The following SLC9C2 variants were observed in gnomAD, a reference collection of about 807,000 sequenced individuals.
The protein encoded by SLC9C2 is solute carrier family 9 member C2 (putative).
SLC9C2 carries 75 observed loss-of-function variants against 140.2 expected under a neutral mutation model. That is an observed-to-expected ratio of 0.53 (90% CI 0.44 to 0.65). The LOEUF is 0.65. SLC9C2 is among the 30% of genes least tolerant of loss of function. The pLI is 0.00. For synonymous variants in SLC9C2, 375 were observed against 420.9 expected (o/e 0.89, Z 1.34); for missense variants, 1,074 against 1,331.8 (o/e 0.81, Z 3.01).
At chr1:173,533,542 T>G in intron 17 of SLC9C2, 67 bp downstream of exon 17, 2 of 1,248,466 alleles carry the variant, frequency 1.6e-6, no homozygotes. Context: ...CCTCCCAAAG[T>G]GCTGGGATTA....
At chr1:173,599,254 T>A (rs1666625317) in intron 3 of SLC9C2, among the ~76,000 whole-genome samples, 1 of 150,050 alleles carries the variant, frequency 6.7e-6, no homozygotes, top group African/African-American at 2.5e-5. Context: ...AGCAGGCCTT[T>A]TATAAGGCAA....
intron 4 of SLC9C2, among the ~76,000 whole-genome samples, chr1:173,594,731 TAG>T (rs1284325215): frequency 2.0e-5 from 3 of 152,190 alleles, no homozygotes; most frequent in South Asian, 2.1e-4. Flanking sequence ...TGGAGGAAAG[TAG>T]AGATATTTAG....
chr1:173,509,280 C>T (rs1374482865), intron 24 of SLC9C2, among the ~76,000 whole-genome samples: 1 of 151,766 alleles, frequency 6.6e-6, no homozygotes, highest in Non-Finnish European at 1.5e-5. Flanking sequence ...CCTGTCTCTA[C>T]TAATAATAAA....
intron 9 of SLC9C2, among the ~76,000 whole-genome samples, chr1:173,565,096 T>A (rs10912645): frequency 2.0e-5 from 3 of 151,176 alleles, no homozygotes; most frequent in Non-Finnish European, 2.9e-5. Context: ...GCCTCCCAAG[T>A]AGCTGGGATT....
intron 4 of SLC9C2, among the ~76,000 whole-genome samples, chr1:173,591,156 T>G (rs916435117): frequency 2.0e-5 from 3 of 152,180 alleles, no homozygotes; most frequent in African/African-American, 2.4e-5. Flanking sequence ...CTGCCTTAGT[T>G]TGGTAAGGAT....
intron 11 of SLC9C2, among the ~76,000 whole-genome samples, chr1:173,549,985 C>G (rs768856629): frequency 5.9e-5 from 9 of 152,116 alleles, no homozygotes; most frequent in Non-Finnish European, 8.8e-5. Context: ...GGTCAGGATC[C>G]CTGGCAGCCA....
intron 18 of SLC9C2, among the ~76,000 whole-genome samples, chr1:173,527,987 A>G (rs1013649920): frequency 6.6e-6 from 1 of 152,178 alleles, no homozygotes; most frequent in Non-Finnish European, 1.5e-5. Flanking sequence ...TGGCACCAAC[A>G]TATCCTAGCC....
chr1:173,580,958 A>T (rs539348410), intron 7 of SLC9C2, among the ~76,000 whole-genome samples: 1 of 152,354 alleles, frequency 6.6e-6, no homozygotes, highest in Middle Eastern at 3.4e-3. Context: ...CATTTAAGGC[A>T]TCTATAAAAA....
At chr1:173,527,645 G>T (rs1336949213) in intron 18 of SLC9C2, among the ~76,000 whole-genome samples, 1 of 152,128 alleles carries the variant, frequency 6.6e-6, no homozygotes, top group Non-Finnish European at 1.5e-5. Flanking sequence ...AGTCACTGGG[G>T]AGTTTGCACT....
chr1:173,579,758 T>C (rs1251217099), intron 7 of SLC9C2, among the ~76,000 whole-genome samples: 3 of 152,250 alleles, frequency 2.0e-5, no homozygotes, highest in Non-Finnish European at 4.4e-5. Flanking sequence ...GCTTTTTGGC[T>C]ATATACCTGA....
rs1558054186 is a variant in SLC9C2, at chr1:173,547,792, G to GT, written c.1462-9dup. On this transcript the variant is annotated splice_polypyrimidine_tract_variant and intron_variant, in intron 12 of 27. Transcript: ENST00000367714. Reference sequence around the variant, plus strand: ...ATGTGAAACGTGGGAAAACTGAACCGTATCAGATGACATTTTAAAACATAA... The same window carrying GT: ...ATGTGAAACGTGGGAAAACTGAACCGTTATCAGATGACATTTTAAAACATAA... 2 of 1,589,470 alleles carry GT rather than the reference G, an allele frequency of 1.3e-6. No individual in the cohort carries two copies. The highest frequency in any genetic ancestry group is 3.4e-5 in the Admixed American group (2 of 58,730).
intron 9 of SLC9C2, among the ~76,000 whole-genome samples, chr1:173,562,191 G>T (rs1251617845): frequency 6.6e-6 from 1 of 152,186 alleles, no homozygotes; most frequent in South Asian, 2.1e-4. Context: ...CTCCCTAGAA[G>T]TGTTGACTGC....
chr1:173,580,837 C>G (rs1665486438), intron 7 of SLC9C2, among the ~76,000 whole-genome samples: 1 of 152,192 alleles, frequency 6.6e-6, no homozygotes, highest in Admixed American at 6.5e-5. Context: ...AGGCATATGG[C>G]AAGCTCCAAA....
chr1:173,597,537 C>T (rs1181121669), intron 4 of SLC9C2, among the ~76,000 whole-genome samples: 3 of 152,060 alleles, frequency 2.0e-5, no homozygotes, highest in African/African-American at 7.2e-5. Context: ...ACAATCTTTG[C>T]AGGGAAAATG....
In SLC9C2 at chr1:173,583,590, C is replaced by T. The variant is rs1417899039; in HGVS notation, c.556G>A (p.Gly186Arg). The change falls in exon 6 of 28, where the codon GGA becomes AGA. Residue 186 changes from glycine (G) to arginine (R), a missense_variant. Transcript: ENST00000367714. ...ATGCTACAAATGATCAATGATTCTCCTCTAATGAGATCAATGTATATTTTA... is the reference window on the plus strand; with the variant it reads ...ATGCTACAAATGATCAATGATTCTCTTCTAATGAGATCAATGTATATTTTA... ...ISKIYIDLIRGESLIICSIAS... is the reference protein window; with the variant it reads ...ISKIYIDLIRRESLIICSIAS... The T allele has an allele frequency of 5.6e-6, 9 of 1,599,636 alleles. No homozygotes were observed. Among genetic ancestry groups the T allele is most frequent in the Non-Finnish European group, 6.8e-6 (8 of 1,172,826 alleles).
intron 4 of SLC9C2, among the ~76,000 whole-genome samples, chr1:173,597,494 A>G (rs1287066465): frequency 7.2e-6 from 1 of 139,648 alleles, no homozygotes; most frequent in Non-Finnish European, 1.5e-5. Flanking sequence ...TACAACAGGC[A>G]TGATTAAGAA....
intron 26 of SLC9C2, 24 bp downstream of exon 26, chr1:173,505,223 T>C: frequency 6.3e-7 from 1 of 1,578,634 alleles, no homozygotes. Flanking sequence ...ATAGTTTTCC[T>C]ACCACTAAAG....
At chr1:173,572,549 C>T (rs1259563913) in intron 9 of SLC9C2, among the ~76,000 whole-genome samples, 1 of 152,196 alleles carries the variant, frequency 6.6e-6, no homozygotes, top group Non-Finnish European at 1.5e-5. Context: ...TGGGCAATGC[C>T]ATTCTAGAAT....
chr1:173,510,630 C>T (rs1659975864), intron 23 of SLC9C2, among the ~76,000 whole-genome samples: 1 of 152,154 alleles, frequency 6.6e-6, no homozygotes, highest in Admixed American at 6.5e-5. Flanking sequence ...ATGGCGGCTT[C>T]CAATTTCATC....
Sources: gnomAD v4.1 joint callset for allele counts (sites outside exome capture counted in the v4.1 genomes callset) on GRCh38, gnomAD v4.1.1 for gene constraint, MANE v1.5 for transcripts, NCBI Gene and HGNC (gene_info 2026-07-23, HGNC 2026-07-21) for gene names.